The following SLX4IP variants were observed in gnomAD, a reference collection of about 807,000 sequenced individuals.
The protein encoded by SLX4IP is SLX4 interacting protein, also known as protein SLX4IP.
SLX4IP carries 34 observed loss-of-function variants against 32.9 expected under a neutral mutation model. The ratio of observed to expected loss-of-function variants is 1.03; its 90% CI spans 0.79 to 1.38. The LOEUF (loss-of-function observed/expected upper bound fraction) is 1.38. Ranked by LOEUF, SLX4IP falls within the 40% of genes most tolerant of loss-of-function variation. The pLI is 0.00. For missense variants in SLX4IP, 444 were observed against 479.0 expected, an observed-to-expected ratio of 0.93 and a Z score of 0.68; for synonymous variants, 172 against 171.7, an observed-to-expected ratio of 1.00 and a Z score of -0.01.
At chr20:10,554,946 T>A (rs2066252433) in intron 2 of SLX4IP, among the ~76,000 whole-genome samples, 1 of 152,152 alleles carries the variant, frequency 6.6e-6, no homozygotes, top group Admixed American at 6.5e-5. Context: ...AATTTTTAAT[T>A]TTGAAAATTT....
chr20:10,609,485 G>T (rs907810358), intron 6 of SLX4IP, among the ~76,000 whole-genome samples: 5 of 152,172 alleles, frequency 3.3e-5, no homozygotes, highest in African/African-American at 1.2e-4. Context: ...TGGGCAGAAG[G>T]CCAGCTCAGA....
intron 1 of SLX4IP, among the ~76,000 whole-genome samples, chr20:10,446,176 G>A (rs2065201215): frequency 6.6e-6 from 1 of 151,858 alleles, no homozygotes; most frequent in Non-Finnish European, 1.5e-5. Context: ...CACTTTGGGA[G>A]GCTGAGGTGG....
At chr20:10,445,765 C>G (rs1358454873) in intron 1 of SLX4IP, among the ~76,000 whole-genome samples, 1 of 151,610 alleles carries the variant, frequency 6.6e-6, no homozygotes, top group Non-Finnish European at 1.5e-5. Context: ...GCTGGGACTA[C>G]AGGCACATGC....
chr20:10,547,196 A>G (rs1457422012), intron 2 of SLX4IP, among the ~76,000 whole-genome samples: 1 of 152,234 alleles, frequency 6.6e-6, no homozygotes, highest in Non-Finnish European at 1.5e-5. Flanking sequence ...AGGACATCAC[A>G]GCCTCTTATT....
chr20:10,470,245 G>T (rs2065413627), intron 2 of SLX4IP, among the ~76,000 whole-genome samples: 1 of 152,164 alleles, frequency 6.6e-6, no homozygotes. Context: ...CTTAGTTTGG[G>T]GGATGCTTGG....
At chr20:10,563,482 A>G (rs1350012989) in intron 4 of SLX4IP, among the ~76,000 whole-genome samples, 1 of 152,110 alleles carries the variant, frequency 6.6e-6, no homozygotes, top group African/African-American at 2.4e-5. Context: ...CCTTGCCTAG[A>G]CCAATGTCTT....
chr20:10,467,475 T>C (rs767386369), intron 2 of SLX4IP, among the ~76,000 whole-genome samples: 9 of 152,222 alleles, frequency 5.9e-5, no homozygotes, highest in Non-Finnish European at 1.3e-4. Context: ...CCTCTATATT[T>C]CTTCTCCTGA....
intron 2 of SLX4IP, among the ~76,000 whole-genome samples, chr20:10,515,878 G>A (rs6039999): frequency 2.0e-5 from 3 of 152,126 alleles, no homozygotes; most frequent in African/African-American, 4.8e-5. Context: ...TGTTACTTGA[G>A]GTTTTTTTGT....
chr20:10,452,477 C>G (rs2065248805), intron 1 of SLX4IP, among the ~76,000 whole-genome samples: 1 of 151,898 alleles, frequency 6.6e-6, no homozygotes, highest in African/African-American at 2.4e-5. Context: ...ACCAGCCTGA[C>G]CGATATGATG....
chr20:10,619,851 A>G (rs991755416), intron 6 of SLX4IP, among the ~76,000 whole-genome samples: 2 of 152,214 alleles, frequency 1.3e-5, no homozygotes, highest in African/African-American at 4.8e-5. Flanking sequence ...AGTAAGTCTT[A>G]GAAAACAAAA....
intron 2 of SLX4IP, among the ~76,000 whole-genome samples, chr20:10,530,020 C>T (rs757060754): frequency 2.6e-5 from 4 of 152,156 alleles, no homozygotes; most frequent in African/African-American, 7.2e-5. Context: ...ACTGCCGAGC[C>T]AGCACTCAGA....
intron 1 of SLX4IP, among the ~76,000 whole-genome samples, chr20:10,444,514 A>G (rs2122320536): frequency 6.6e-6 from 1 of 152,084 alleles, no homozygotes; most frequent in South Asian, 2.1e-4. Context: ...AGTAGCTGGG[A>G]TTACAGGTGT....
intron 2 of SLX4IP, among the ~76,000 whole-genome samples, chr20:10,464,338 T>TA (rs1257394174): frequency 2.6e-5 from 4 of 152,074 alleles, no homozygotes; most frequent in Non-Finnish European, 4.4e-5. Context: ...CTCACTTTGA[T>TA]ATGTCGTTTT....
intron 6 of SLX4IP, among the ~76,000 whole-genome samples, chr20:10,620,059 G>A (rs1016993175): frequency 2.6e-5 from 4 of 152,096 alleles, no homozygotes; most frequent in African/African-American, 9.7e-5. Context: ...ACATCCCCTC[G>A]GCTTGTAGGA....
In SLX4IP at chr20:10,536,639, C is replaced by T. The variant is rs190113611; in HGVS notation, c.28-19592C>T. Among the ~76,000 whole-genome samples the T allele has an allele frequency of 1.1e-3, 162 of 152,308 alleles. 1 individual carries two copies. The highest frequency in any genetic ancestry group is 3.8e-3 in the African/African-American group (159 of 41,566). Reference sequence around the variant, plus strand: ...TTGTGAATAATGCCAGCCTGGCCACCGTTGCCCTCTTCTGGTAAGGGGCTA... The same window carrying T: ...TTGTGAATAATGCCAGCCTGGCCACTGTTGCCCTCTTCTGGTAAGGGGCTA... On this transcript the variant is annotated intron_variant, in intron 2 of 7. Coordinates refer to ENST00000334534, the MANE Select transcript of SLX4IP (RefSeq NM_001009608.3).
chr20:10,577,380 CT>C (rs1417902196), intron 4 of SLX4IP, among the ~76,000 whole-genome samples: 2 of 151,836 alleles, frequency 1.3e-5, no homozygotes, highest in Non-Finnish European at 1.5e-5. Context: ...GCTGAGTAAA[CT>C]TAGGAAGGCT....
At chr20:10,560,346 A>G (rs2066318532) in intron 3 of SLX4IP, among the ~76,000 whole-genome samples, 1 of 152,234 alleles carries the variant, frequency 6.6e-6, no homozygotes, top group African/African-American at 2.4e-5. Flanking sequence ...TTGTCACAGT[A>G]CAACTGATTG....
At chr20:10,595,383 C>T (rs533022349) in intron 4 of SLX4IP, among the ~76,000 whole-genome samples, 1 of 152,306 alleles carries the variant, frequency 6.6e-6, no homozygotes, top group Non-Finnish European at 1.5e-5. Flanking sequence ...CAGTAGTTTT[C>T]AGATGAAAAG....
At chr20:10,477,334 C>A (rs756292105) in intron 2 of SLX4IP, among the ~76,000 whole-genome samples, 1 of 152,058 alleles carries the variant, frequency 6.6e-6, no homozygotes, top group Non-Finnish European at 1.5e-5. Flanking sequence ...TTAGTAGAGA[C>A]GGGATTTCAC....
Sources: allele counts gnomAD v4.1 joint callset (sites outside exome capture counted in the v4.1 genomes callset), GRCh38; gene constraint gnomAD v4.1.1; transcripts MANE v1.5; gene names NCBI Gene and HGNC (gene_info 2026-07-23, HGNC 2026-07-21).